The following RNF175 variants were observed in gnomAD, a reference collection of about 807,000 sequenced individuals.
The protein encoded by RNF175 is ring finger protein 175.
Under a neutral mutation model 50.0 loss-of-function variants are expected in RNF175, and 38 were observed. That is an observed-to-expected ratio of 0.76 (90% CI 0.59 to 1.00). The LOEUF is 1.00. Among genes scored for constraint, RNF175 ranks in the 50% least tolerant of loss-of-function variants. RNF175 has a pLI of 0.00. For synonymous variants in RNF175, 155 were observed against 146.1 expected, an observed-to-expected ratio of 1.06 and a Z score of -0.44; for missense variants, 388 against 409.6, an observed-to-expected ratio of 0.95 and a Z score of 0.46.
intron 2 of RNF175, among the ~76,000 whole-genome samples, chr4:153,749,513 A>G (rs796491064): frequency 5.9e-5 from 9 of 152,350 alleles, no homozygotes; most frequent in African/African-American, 1.9e-4. Context: ...AGAGAGAAAG[A>G]ATAGGCTTAA....
intron 3 of RNF175, among the ~76,000 whole-genome samples, chr4:153,732,137 C>T (rs1220557891): frequency 3.3e-5 from 5 of 151,884 alleles, no homozygotes; most frequent in Admixed American, 1.3e-4. Context: ...GTGGCTGAAG[C>T]GTGAGAGTTG....
At chr4:153,721,257 C>G (rs1009923440) in intron 5 of RNF175, 2 of 151,882 alleles carry the variant, frequency 1.3e-5, no homozygotes, top group African/African-American at 4.8e-5. Flanking sequence ...TTTGCTCTAT[C>G]TATAAAACAA....
chr4:153,728,411 T>A (rs1738840465), intron 3 of RNF175, 50 bp from the exon 4 acceptor site: 1 of 1,507,530 alleles, frequency 6.6e-7, no homozygotes, highest in African/African-American at 1.4e-5. Flanking sequence ...AGTGCCTGAA[T>A]GGCATCTCCA....
chr4:153,743,545 T>A (rs11099896), intron 3 of RNF175, among the ~76,000 whole-genome samples: 1 of 151,830 alleles, frequency 6.6e-6, no homozygotes, highest in Non-Finnish European at 1.5e-5. Flanking sequence ...TTGACTATGG[T>A]GGGGGCAACT....
intron 1 of RNF175, among the ~76,000 whole-genome samples, chr4:153,758,611 T>C (rs1740667429): frequency 6.6e-6 from 1 of 152,200 alleles, no homozygotes; most frequent in Admixed American, 6.5e-5. Context: ...AAGAAAGTCA[T>C]GGAGTTTCAT....
At chr4:153,756,060 G>A (rs559191262) in intron 1 of RNF175, among the ~76,000 whole-genome samples, 97 of 152,318 alleles carry the variant, frequency 6.4e-4, no homozygotes, top group African/African-American at 2.1e-3. Context: ...TCCATGGGTG[G>A]TGATACATCC....
chr4:153,734,540 A>C (rs1222038796), intron 3 of RNF175, among the ~76,000 whole-genome samples: 1 of 151,382 alleles, frequency 6.6e-6, no homozygotes, highest in African/African-American at 2.4e-5. Context: ...GTTAATCCAG[A>C]TCTTTTGCCA....
At position 153,723,465 on chromosome 4, in the gene RNF175, A is replaced by G. The variant is rs1175414820; in HGVS notation, c.402-7T>C. The G allele has an allele frequency of 2.2e-6, 3 of 1,356,288 alleles. No homozygotes were observed. The highest frequency in any genetic ancestry group is 2.1e-6 in the Non-Finnish European group (2 of 947,836). The allele number at this position is 1,356,288 out of a possible 1,614,324, so 84.0% of individuals were successfully genotyped here. ...AAACCATTTGTAGACCAATCTGTGG[A>G]GTGAAAAATGGGGAGAAACACAGAA... On this transcript the variant is annotated splice_region_variant and splice_polypyrimidine_tract_variant and intron_variant, in intron 4 of 8. Coordinates refer to ENST00000347063, the MANE Select transcript of RNF175 (RefSeq NM_173662.4).
intron 3 of RNF175, among the ~76,000 whole-genome samples, chr4:153,746,253 C>G (rs910938640): frequency 6.6e-6 from 1 of 152,242 alleles, no homozygotes; most frequent in Non-Finnish European, 1.5e-5. Context: ...CAGTCTAAAA[C>G]TTAACAAGGT....
intron 6 of RNF175, among the ~76,000 whole-genome samples, chr4:153,719,854 A>C (rs557481608): frequency 6.6e-6 from 1 of 152,354 alleles, no homozygotes; most frequent in Non-Finnish European, 1.5e-5. Flanking sequence ...GTTATTGTTA[A>C]TGTTTTACTA....
At chr4:153,735,820 G>GACTTTTGTA (rs1739324660) in intron 3 of RNF175, among the ~76,000 whole-genome samples, 1 of 152,090 alleles carries the variant, frequency 6.6e-6, no homozygotes, top group African/African-American at 2.4e-5. Context: ...GGTAACAATT[G>GACTTTTGTA]ACTTTTGTAT....
At chr4:153,738,994 T>A (rs1307290245) in intron 3 of RNF175, among the ~76,000 whole-genome samples, 1 of 152,264 alleles carries the variant, frequency 6.6e-6, no homozygotes, top group Non-Finnish European at 1.5e-5. Flanking sequence ...AGGTACCTTA[T>A]AACAGAAATC....
At chr4:153,742,856 G>T (rs1226990520) in intron 3 of RNF175, among the ~76,000 whole-genome samples, 3 of 150,666 alleles carry the variant, frequency 2.0e-5, no homozygotes, top group Non-Finnish European at 4.4e-5. Context: ...ATATTAATAT[G>T]TTCCTAATAT....
At chr4:153,722,777 AAAC>A (rs202132700) in intron 5 of RNF175, among the ~76,000 whole-genome samples, 168 of 148,262 alleles carry the variant, frequency 1.1e-3, no homozygotes, top group African/African-American at 4.0e-3. Context: ...CAAAAAAAAA[AAAC>A]ACAACAAAAA....
intron 3 of RNF175, among the ~76,000 whole-genome samples, chr4:153,732,231 CAA>C (rs35638181): frequency 7.0e-6 from 1 of 143,732 alleles, no homozygotes; most frequent in Non-Finnish European, 1.5e-5. Flanking sequence ...GACTCTGTCT[CAA>C]AAAAAAAAAA....
chr4:153,726,645 TG>T (rs2127118936), intron 4 of RNF175, among the ~76,000 whole-genome samples: 1 of 152,314 alleles, frequency 6.6e-6, no homozygotes, highest in Admixed American at 6.5e-5. Flanking sequence ...TGCTTCCAAA[TG>T]GAAGATAGTT....
chr4:153,723,551 C>G lies in RNF175; in HGVS notation c.402-93G>C, dbSNP rs191521099. 13 of 653,254 alleles carry G rather than the reference C, an allele frequency of 2.0e-5. No individual in the cohort carries two copies. In the Admixed American group the frequency reaches 2.1e-4, roughly 10 times the overall value. 40.5% of individuals were successfully genotyped at this position (653,254 alleles called of 1,614,324 possible). On this transcript the variant is annotated intron_variant, in intron 4 of 8. Coordinates refer to ENST00000347063, the MANE Select transcript of RNF175 (RefSeq NM_173662.4). The stretch of plus-strand genomic sequence containing the variant: ...ATATTATAAAATATTTTGTCTTTTT[C>G]AAAGACTTATAAATCAGTTTTTAGT...
At chr4:153,718,207 G>A (rs1347172564) in intron 6 of RNF175, among the ~76,000 whole-genome samples, 1 of 109,524 alleles carries the variant, frequency 9.1e-6, no homozygotes, top group Admixed American at 9.4e-5. Context: ...CTTTCCTAAG[G>A]AGTTTTTTTT....
intron 4 of RNF175, among the ~76,000 whole-genome samples, chr4:153,727,087 T>C (rs1014110903): frequency 1.1e-4 from 16 of 152,236 alleles, no homozygotes; most frequent in African/African-American, 3.9e-4. Flanking sequence ...AAATACAACA[T>C]AGATTATATC....
Sources: allele counts gnomAD v4.1 joint callset (sites outside exome capture counted in the v4.1 genomes callset), GRCh38; gene constraint gnomAD v4.1.1; transcripts MANE v1.5; gene names NCBI Gene and HGNC (gene_info 2026-07-23, HGNC 2026-07-21).